Variants in WDFY4 observed in about 807,000 individuals in gnomAD.
The protein encoded by WDFY4 is WD repeat- and FYVE domain-containing protein 4.
Under a neutral mutation model 351.9 loss-of-function variants are expected in WDFY4, and 169 were observed. That is an observed-to-expected ratio of 0.48 (90% CI 0.42 to 0.55). WDFY4 has a LOEUF of 0.55. Ranked by LOEUF, WDFY4 falls within the 20% of genes least tolerant of loss-of-function variation. WDFY4 has a pLI of 0.00. For synonymous variants in WDFY4, 1,622 were observed against 1,574.6 expected (o/e 1.03, Z -0.71); for missense variants, 3,803 against 3,935.6 (o/e 0.97, Z 0.90).
At chr10:48,820,541 A>G (rs2067786200) in intron 33 of WDFY4, 104 bp downstream of exon 33, 1 of 1,252,868 alleles carries the variant, frequency 8.0e-7, no homozygotes. Flanking sequence ...CCTGGGGGCC[A>G]CAGCGAGTGA....
Position 48,743,063 on chromosome 10 carries a change from A to G in WDFY4, c.1974A>G (p.Glu658=). ...NGLLSLLSDL[E]GSLQEPPLQA... ...TGCTGTCTCTGCTCTCTGACCTGGA[A>G]GGCTCCCTCCAGGAGCCCCCGCTGC... The change falls in exon 12 of 62, where the codon GAA becomes GAG. Residue 658 remains glutamate, a synonymous_variant. Transcript: ENST00000325239. The G allele has an allele frequency of 6.4e-7, 1 of 1,551,550 alleles. No individual in the cohort carries two copies. The highest frequency in any genetic ancestry group is 2.4e-5 in the East Asian group (1 of 40,922).
intron 47 of WDFY4, chr10:48,914,353 C>G: frequency 1.6e-6 from 1 of 613,410 alleles, no homozygotes; most frequent in Non-Finnish European, 2.8e-6. Flanking sequence ...GGAGAGAAGT[C>G]AGGGCAAAGT....
chr10:48,830,988 C>A, intron 38 of WDFY4, 103 bp downstream of exon 38: 1 of 1,154,180 alleles, frequency 8.7e-7, no homozygotes, highest in Non-Finnish European at 1.2e-6. Flanking sequence ...CACCTGGACC[C>A]TCTGTCTCAT....
Position 48,977,077 on chromosome 10 carries a change from T to G in WDFY4, c.9291+98T>G, listed in dbSNP as rs1564545653. On this transcript the variant is annotated intron_variant, in intron 59 of 61. Coordinates refer to ENST00000325239, the MANE Select transcript of WDFY4 (RefSeq NM_001394531.1). ...AGGGGGCCAAACCTGCAGGTTGCATTTGAGACCATTCCAGAACGGGTACCT... is the reference window on the plus strand; with the variant it reads ...AGGGGGCCAAACCTGCAGGTTGCATGTGAGACCATTCCAGAACGGGTACCT... 3.2e-6 allele frequency: 4 copies of G among 1,244,320 alleles called. No homozygotes were observed. The East Asian group carries it at 9.2e-5, about 29-fold the overall frequency. The allele number at this position is 1,244,320 out of a possible 1,614,324, so 77.1% of individuals were successfully genotyped here. A position where few individuals can be genotyped will look rare whatever the true frequency, so the allele number is the denominator to read the frequency against.
chr10:48,977,781 C>T (rs968503467), intron 59 of WDFY4, among the ~76,000 whole-genome samples: 16 of 152,222 alleles, frequency 1.1e-4, no homozygotes, highest in Non-Finnish European at 2.4e-4. Context: ...GCGTGGGGCT[C>T]ACAGAAGCAT....
intron 10 of WDFY4, among the ~76,000 whole-genome samples, chr10:48,735,550 T>C (rs1457071186): frequency 6.6e-6 from 1 of 152,160 alleles, no homozygotes; most frequent in African/African-American, 2.4e-5. Context: ...TTAGTCACCA[T>C]GTTGTACAAT....
intron 11 of WDFY4, among the ~76,000 whole-genome samples, chr10:48,741,393 C>T (rs1358771380): frequency 8.0e-6 from 1 of 125,296 alleles, no homozygotes; most frequent in Non-Finnish European, 1.6e-5. Flanking sequence ...GCAGAGGTTA[C>T]ATTGAGCCAA....
rs1428611874 is a variant in WDFY4, at chr10:48,723,325, A to C, written c.457-108A>C. On this transcript the variant is annotated intron_variant, in intron 4 of 61. Transcript: ENST00000325239. The stretch of plus-strand genomic sequence containing the variant: ...CACTTGAGGACTGGAGCCCAGAGGG[A>C]CTGTCCCATGGCCTCACTGAAATGG... 8 of 1,357,410 alleles carry C rather than the reference A, an allele frequency of 5.9e-6. No individual in the cohort carries two copies. The African/African-American group carries it at 8.8e-5, about 15-fold the overall frequency. 84.1% of individuals were successfully genotyped at this position (1,357,410 alleles called of 1,614,324 possible).
chr10:48,883,059 C>T (rs774997631), intron 43 of WDFY4, among the ~76,000 whole-genome samples: 2 of 152,216 alleles, frequency 1.3e-5, no homozygotes, highest in African/African-American at 2.4e-5. Context: ...TTTCCAGCAC[C>T]CTGTCCCTCA....
At chr10:48,938,564 G>T (rs572796261) in intron 47 of WDFY4, among the ~76,000 whole-genome samples, 3 of 152,356 alleles carry the variant, frequency 2.0e-5, no homozygotes, top group Non-Finnish European at 4.4e-5. Context: ...TTTCAGGGTA[G>T]GGTGGAGGTG....
Position 48,731,243 on chromosome 10 carries a change from C to T in WDFY4, c.1263C>T (p.Phe421=), listed in dbSNP as rs1320503458. The change falls in exon 9 of 62, where the codon TTC becomes TTT. Residue 421 remains phenylalanine (F), a synonymous_variant. Coordinates refer to ENST00000325239, the MANE Select transcript of WDFY4 (RefSeq NM_001394531.1). ...TMWAWNARNF[F]LLEWTLQPIS... ...GGGCCTGGAATGCTCGAAACTTCTTCCTGCTGGAGTGGACCCTGCAGCCCA... is the reference window on the plus strand; with the variant it reads ...GGGCCTGGAATGCTCGAAACTTCTTTCTGCTGGAGTGGACCCTGCAGCCCA... 1.3e-6 allele frequency: 2 copies of T among 1,551,936 alleles called. No individual in the cohort carries two copies. Among genetic ancestry groups the T allele is most frequent in the Non-Finnish European group, 1.7e-6 (2 of 1,147,048 alleles).
chr10:48,874,314 A>G (rs1158069968), intron 41 of WDFY4, among the ~76,000 whole-genome samples: 1 of 152,220 alleles, frequency 6.6e-6, no homozygotes, highest in African/African-American at 2.4e-5. Flanking sequence ...AAAAGAAGCC[A>G]GTTGGATTCA....
At chr10:48,877,601 G>A (rs774666146) in intron 43 of WDFY4, among the ~76,000 whole-genome samples, 42 of 152,344 alleles carry the variant, frequency 2.8e-4, no homozygotes, top group Non-Finnish European at 5.4e-4. Flanking sequence ...GGGGTCTTGG[G>A]TGCATGTGTT....
chr10:48,972,387 G>A (rs1156621669), intron 57 of WDFY4, among the ~76,000 whole-genome samples: 1 of 152,102 alleles, frequency 6.6e-6, no homozygotes, highest in Non-Finnish European at 1.5e-5. Context: ...TTTCAATTTT[G>A]CATACTCTTA....
chr10:48,897,277 G>A (rs1035665572), intron 44 of WDFY4, among the ~76,000 whole-genome samples, 177 bp from the exon 45 acceptor site: 1 of 152,210 alleles, frequency 6.6e-6, no homozygotes, highest in Non-Finnish European at 1.5e-5. Context: ...CAAGCACTCA[G>A]CAAGGATTTC....
At chr10:48,895,298 C>T (rs569519468) in intron 44 of WDFY4, among the ~76,000 whole-genome samples, 1 of 152,322 alleles carries the variant, frequency 6.6e-6, no homozygotes, top group African/African-American at 2.4e-5. Context: ...GGCATGGAGG[C>T]TCCATGGGCT....
At chr10:48,759,947 T>C (rs775574450) in intron 12 of WDFY4, among the ~76,000 whole-genome samples, 2 of 152,130 alleles carry the variant, frequency 1.3e-5, no homozygotes, top group Admixed American at 6.6e-5. Flanking sequence ...TGAGTGTGCT[T>C]ACACCATTTT....
intron 39 of WDFY4, 29 bp downstream of exon 39, chr10:48,832,738 A>C: frequency 6.7e-7 from 1 of 1,497,478 alleles, no homozygotes; most frequent in Non-Finnish European, 9.0e-7. Context: ...TCCTCAGAAA[A>C]GTATCAGGCA....
chr10:48,811,457 G>T (rs1589667770), intron 29 of WDFY4, 82 bp from the exon 30 acceptor site: 1 of 1,265,156 alleles, frequency 7.9e-7, no homozygotes, highest in East Asian at 2.6e-5. Flanking sequence ...GGGTGGCCGG[G>T]TGTTCCTTTG....
Sources: gnomAD v4.1 joint callset for allele counts (sites outside exome capture counted in the v4.1 genomes callset) on GRCh38, gnomAD v4.1.1 for gene constraint, MANE v1.5 for transcripts, NCBI Gene and HGNC (gene_info 2026-07-23, HGNC 2026-07-21) for gene names.